SCIN: variants seen among roughly 807,000 people sequenced by gnomAD.
SCIN encodes adseverin.
In SCIN, 91 loss-of-function variants were observed where a neutral mutation model predicts 91.8. That is an observed-to-expected ratio of 0.99 (90% CI 0.84 to 1.18). SCIN has a LOEUF of 1.18. Ranked by LOEUF, SCIN falls within the 50% of genes most tolerant of loss-of-function variation. The pLI is 0.00. For missense variants in SCIN, 1,087 were observed against 863.9 expected (o/e 1.26, Z -3.24); for synonymous variants, 367 against 312.6 (o/e 1.17, Z -1.84).
At chr7:12,598,965 C>A (rs1242444984) in intron 3 of SCIN, among the ~76,000 whole-genome samples, 2 of 152,014 alleles carry the variant, frequency 1.3e-5, no homozygotes, top group Non-Finnish European at 2.9e-5. Flanking sequence ...AATGACTTGT[C>A]AAGCATTCTG....
Position 12,652,606 on chromosome 7 carries a change from C to G in SCIN, c.2039C>G (p.Thr680Arg). The G allele has an allele frequency of 6.2e-7, 1 of 1,613,082 alleles. No individual in the cohort carries two copies. The highest frequency in any genetic ancestry group is 8.5e-7 in the Non-Finnish European group (1 of 1,179,530). Residue 680 changes from threonine to arginine, a missense_variant, in exon 16 of 16, where the codon ACA becomes AGA. Thr to Arg is a moderately conservative substitution (Grantham distance 71, BLOSUM62 -1). Transcript: ENST00000297029. ...TTTTTAGCCAAAATGTACCTTGAGA[C>G]AGACCCTTCTGGAAGAGACAAGAGG... ...SLKSAKMYLE[T>R]DPSGRDKRTP...
Position 12,659,939 on chromosome 7 carries a change from C to T in SCIN, c.*7224C>T, listed in dbSNP as rs1027455469. 1 of 153,102 alleles carries T rather than the reference C, an allele frequency of 6.5e-6. No individual in the cohort carries two copies. The highest frequency in any genetic ancestry group is 2.4e-5 in the African/African-American group (1 of 41,478). 9.5% of individuals were successfully genotyped at this position (153,102 alleles called of 1,614,324 possible). A position where few individuals can be genotyped will look rare whatever the true frequency, so the allele number is the denominator to read the frequency against. On this transcript the variant is annotated 3_prime_UTR_variant, in exon 16 of 16. Coordinates refer to ENST00000297029, the MANE Select transcript of SCIN (RefSeq NM_001112706.3). ...CCATTGTGATGTGTTTCTGCCCCATCCTAACTGATCAGTGTACTTTGTAAT... is the reference window on the plus strand; with the variant it reads ...CCATTGTGATGTGTTTCTGCCCCATTCTAACTGATCAGTGTACTTTGTAAT...
chr7:12,638,192 G>A (rs571168037), intron 10 of SCIN, among the ~76,000 whole-genome samples: 25 of 152,290 alleles, frequency 1.6e-4, no homozygotes, highest in African/African-American at 6.0e-4. Flanking sequence ...TTCCTCTAGT[G>A]TGCCCCAATG....
In SCIN at chr7:12,657,572, A is replaced by ATATATTTT. The variant is rs1554298408; in HGVS notation, c.*4858_*4859insATATTTTT. Reference sequence around the variant, plus strand: ...TATATATATATATATATATATATATATTTTTTTTTTTTTTTTTTTTTTTTT... The same window carrying ATATATTTT: ...TATATATATATATATATATATATATATATATTTTTTTTTTTTTTTTTTTTTTTTTTTTT... On this transcript the variant is annotated 3_prime_UTR_variant, in exon 16 of 16. Coordinates refer to ENST00000297029, the MANE Select transcript of SCIN (RefSeq NM_001112706.3). 2 of 22,086 alleles carry ATATATTTT rather than the reference A, an allele frequency of 9.1e-5. No individual in the cohort carries two copies. Among genetic ancestry groups the ATATATTTT allele is most frequent in the East Asian group, 4.0e-3 (1 of 252 alleles). 1.4% of individuals were successfully genotyped at this position (22,086 alleles called of 1,614,324 possible).
intron 4 of SCIN, among the ~76,000 whole-genome samples, chr7:12,608,469 G>A (rs1306806822): frequency 3.3e-5 from 5 of 152,124 alleles, no homozygotes; most frequent in African/African-American, 1.2e-4. Flanking sequence ...ATTTTAAATT[G>A]AGGTTTTATT....
chr7:12,641,465 C>T (rs376538271), intron 11 of SCIN, among the ~76,000 whole-genome samples: 11 of 152,098 alleles, frequency 7.2e-5, no homozygotes, highest in Middle Eastern at 3.2e-3. Context: ...TTATATCAGA[C>T]TTTCCGTCCT....
intron 3 of SCIN, among the ~76,000 whole-genome samples, chr7:12,585,730 A>C (rs573738216): frequency 6.6e-6 from 1 of 152,148 alleles, no homozygotes; most frequent in Admixed American, 6.5e-5. Flanking sequence ...CCACCTTCTA[A>C]TTATCTCTTG....
chr7:12,608,115 TTAA>T (rs1783115941), intron 4 of SCIN, among the ~76,000 whole-genome samples: 2 of 152,318 alleles, frequency 1.3e-5, no homozygotes, highest in African/African-American at 4.8e-5. Context: ...TCACTAGTAT[TTAA>T]TGAGTTAATG....
intron 13 of SCIN, among the ~76,000 whole-genome samples, chr7:12,645,061 T>A (rs894224023): frequency 5.5e-5 from 8 of 145,566 alleles, no homozygotes; most frequent in African/African-American, 2.0e-4. Flanking sequence ...GGCTCATGCC[T>A]GTAATCCCAG....
chr7:12,626,476 A>G, intron 7 of SCIN, 108 bp from the exon 8 acceptor site: 1 of 876,882 alleles, frequency 1.1e-6, no homozygotes, highest in East Asian at 2.7e-5. Flanking sequence ...CTTGATAGCT[A>G]AACCAGGATA....
chr7:12,602,063 C>G (rs12534271), intron 3 of SCIN, among the ~76,000 whole-genome samples: 1 of 152,104 alleles, frequency 6.6e-6, no homozygotes, highest in Admixed American at 6.6e-5. Context: ...CGGCGGAACC[C>G]GCTCCCAATG....
Position 12,652,813 on chromosome 7 carries a change from G to C in SCIN, c.*98G>C, listed in dbSNP as rs1266517708. 3 of 1,492,948 alleles carry C rather than the reference G, an allele frequency of 2.0e-6. No individual in the cohort carries two copies. The highest frequency in any genetic ancestry group is 2.7e-6 in the Non-Finnish European group (3 of 1,110,526). 92.5% of individuals were successfully genotyped at this position (1,492,948 alleles called of 1,614,324 possible). A position where few individuals can be genotyped will look rare whatever the true frequency, so the allele number is the denominator to read the frequency against. ...AAAGCTTTTTGCTTATTTGTCTTTTGAAAATTAAGGCTGGGCGCGGTGGCT... is the reference window on the plus strand; with the variant it reads ...AAAGCTTTTTGCTTATTTGTCTTTTCAAAATTAAGGCTGGGCGCGGTGGCT... On this transcript the variant is annotated 3_prime_UTR_variant, in exon 16 of 16. Coordinates refer to ENST00000297029, the MANE Select transcript of SCIN (RefSeq NM_001112706.3).
chr7:12,593,351 G>A (rs1254050386), intron 3 of SCIN, among the ~76,000 whole-genome samples: 2 of 152,222 alleles, frequency 1.3e-5, no homozygotes, highest in Non-Finnish European at 2.9e-5. Context: ...CCAGGTTAAG[G>A]AGGTCTTGTT....
chr7:12,625,378 G>GT (rs1041647297), intron 6 of SCIN, among the ~76,000 whole-genome samples: 4 of 139,566 alleles, frequency 2.9e-5, no homozygotes, highest in African/African-American at 5.3e-5. Context: ...TACAAATAAC[G>GT]TTTTTTCCTG....
intron 5 of SCIN, among the ~76,000 whole-genome samples, chr7:12,623,305 T>C (rs549617018): frequency 4.5e-4 from 68 of 152,262 alleles, no homozygotes; most frequent in South Asian, 1.7e-3. Context: ...GAAGGAGTTC[T>C]TTGTTACAGG....
At chr7:12,632,647 G>C (rs1050908707) in intron 9 of SCIN, among the ~76,000 whole-genome samples, 12 of 152,158 alleles carry the variant, frequency 7.9e-5, no homozygotes, top group African/African-American at 2.9e-4. Flanking sequence ...GGGGAATGGA[G>C]AAGACAAAGT....
rs930274776 is a variant in SCIN, at chr7:12,659,530, T to G, written c.*6815T>G. On this transcript the variant is annotated 3_prime_UTR_variant, in exon 16 of 16. Coordinates refer to ENST00000297029, the MANE Select transcript of SCIN (RefSeq NM_001112706.3). ...TAAAGCCACCATGATGGCTTTATAT[T>G]AATGAAGGAAATAAGTTGCAGGATA... 9 of 152,242 alleles carry G rather than the reference T, an allele frequency of 5.9e-5. No individual in the cohort carries two copies. The highest frequency in any genetic ancestry group is 2.2e-4 in the African/African-American group (9 of 41,458). The allele number at this position is 152,242 out of a possible 1,614,324, so 9.4% of individuals were successfully genotyped here.
At chr7:12,622,749 A>T in intron 4 of SCIN, 52 bp from the exon 5 acceptor site, 1 of 1,222,724 alleles carries the variant, frequency 8.2e-7, no homozygotes. Context: ...CTAACTCTGC[A>T]TCCTTCAATG....
At chr7:12,590,905 A>G (rs1782707915) in intron 3 of SCIN, among the ~76,000 whole-genome samples, 1 of 152,092 alleles carries the variant, frequency 6.6e-6, no homozygotes, top group African/African-American at 2.4e-5. Context: ...GAGTCTGTAT[A>G]AATGTTGACT....
Sources: allele counts gnomAD v4.1 joint callset (sites outside exome capture counted in the v4.1 genomes callset), GRCh38; gene constraint gnomAD v4.1.1; transcripts MANE v1.5; gene names NCBI Gene and HGNC (gene_info 2026-07-23, HGNC 2026-07-21).